The following ROR1 variants were observed in gnomAD, a reference collection of about 807,000 sequenced individuals.
The protein encoded by ROR1 is inactive tyrosine-protein kinase transmembrane receptor ROR1.
In ROR1, 19 loss-of-function variants were observed where a neutral mutation model predicts 78.8. The observed-to-expected ratio is 0.24, with a 90% confidence interval of 0.17 to 0.35. ROR1 has a LOEUF of 0.35. Among genes scored for constraint, ROR1 ranks in the 10% least tolerant of loss-of-function variants. The pLI is 1.00. For missense variants in ROR1, 917 were observed against 1,177.8 expected, an observed-to-expected ratio of 0.78 and a Z score of 3.24; for synonymous variants, 386 against 433.6, an observed-to-expected ratio of 0.89 and a Z score of 1.36.
chr1:64,011,049 A>G (rs906756252), intron 2 of ROR1, among the ~76,000 whole-genome samples: 6 of 152,232 alleles, frequency 3.9e-5, no homozygotes, highest in Admixed American at 3.9e-4. Context: ...AGATAAGTTT[A>G]TTTTATAAAA....
chr1:63,975,959 T>G (rs1181250762), intron 1 of ROR1, among the ~76,000 whole-genome samples: 1 of 152,208 alleles, frequency 6.6e-6, no homozygotes, highest in Non-Finnish European at 1.5e-5. Context: ...TTGGAAAGTA[T>G]TTTTGATCAT....
intron 2 of ROR1, among the ~76,000 whole-genome samples, chr1:64,033,349 C>T (rs1303102529): frequency 6.6e-6 from 1 of 152,124 alleles, no homozygotes; most frequent in East Asian, 1.9e-4. Context: ...AAAAGCATAA[C>T]TGATCTTTTA....
intron 4 of ROR1, among the ~76,000 whole-genome samples, chr1:64,059,766 A>G (rs1181757468): frequency 6.6e-6 from 1 of 151,538 alleles, no homozygotes; most frequent in Admixed American, 6.6e-5. Context: ...CTAGTTAATG[A>G]TTGGACAGAA....
chr1:64,071,056 T>C (rs1646999491), intron 4 of ROR1, among the ~76,000 whole-genome samples: 2 of 152,040 alleles, frequency 1.3e-5, no homozygotes, highest in African/African-American at 4.8e-5. Flanking sequence ...ACATGGAAAA[T>C]GGTTTTGTCA....
At chr1:64,130,642 C>T (rs1260513185) in intron 4 of ROR1, among the ~76,000 whole-genome samples, 1 of 152,172 alleles carries the variant, frequency 6.6e-6, no homozygotes, top group Admixed American at 6.5e-5. Context: ...TGCTTCCAGG[C>T]TTGAAGTCTC....
At chr1:64,015,486 C>T (rs974206800) in intron 2 of ROR1, among the ~76,000 whole-genome samples, 5 of 152,162 alleles carry the variant, frequency 3.3e-5, no homozygotes, top group African/African-American at 1.2e-4. Flanking sequence ...GTGGTTTGCT[C>T]CCTCTTGTCC....
chr1:64,099,281 C>T (rs1647424393), intron 4 of ROR1, among the ~76,000 whole-genome samples: 1 of 152,114 alleles, frequency 6.6e-6, no homozygotes, highest in Admixed American at 6.6e-5. Context: ...TGCCAAAGCC[C>T]CACAGATTGA....
chr1:63,900,626 C>T (rs529341185), intron 1 of ROR1, among the ~76,000 whole-genome samples: 3 of 151,978 alleles, frequency 2.0e-5, no homozygotes, highest in African/African-American at 7.2e-5. Flanking sequence ...TAATTATTAC[C>T]ATTTTTCTTA....
chr1:64,007,257 G>A (rs1424430354), intron 1 of ROR1, among the ~76,000 whole-genome samples: 14 of 152,116 alleles, frequency 9.2e-5, no homozygotes, highest in Non-Finnish European at 2.1e-4. Flanking sequence ...AGCCATAATT[G>A]ATTAAAGATG....
intron 1 of ROR1, among the ~76,000 whole-genome samples, chr1:63,951,718 C>T (rs1235008174): frequency 6.6e-6 from 1 of 152,072 alleles, no homozygotes; most frequent in Non-Finnish European, 1.5e-5. Flanking sequence ...ACCCCCCCCT[C>T]ACCACCAGCC....
intron 1 of ROR1, among the ~76,000 whole-genome samples, chr1:63,988,522 G>T (rs1350869304): frequency 6.6e-6 from 1 of 152,180 alleles, no homozygotes; most frequent in Non-Finnish European, 1.5e-5. Flanking sequence ...TAGGTGTGCA[G>T]TTCAGCTGCG....
At chr1:63,935,023 ATT>A (rs11376470) in intron 1 of ROR1, among the ~76,000 whole-genome samples, 21 of 140,214 alleles carry the variant, frequency 1.5e-4, no homozygotes, top group Admixed American at 2.1e-4. Flanking sequence ...ATTTGGGAGA[ATT>A]TTTTTTTTTT....
At chr1:64,122,131 C>T (rs975792940) in intron 4 of ROR1, among the ~76,000 whole-genome samples, 2 of 152,044 alleles carry the variant, frequency 1.3e-5, no homozygotes, top group African/African-American at 4.8e-5. Context: ...TGTCTGAACC[C>T]GAGATGTTGA....
At chr1:64,046,327 G>A (rs1475005242) in intron 2 of ROR1, among the ~76,000 whole-genome samples, 1 of 152,164 alleles carries the variant, frequency 6.6e-6, no homozygotes, top group East Asian at 1.9e-4. Flanking sequence ...GCTACAGATG[G>A]CCAACAAATT....
intron 2 of ROR1, among the ~76,000 whole-genome samples, chr1:64,048,740 A>G (rs1258492051): frequency 6.6e-6 from 1 of 152,254 alleles, no homozygotes; most frequent in Non-Finnish European, 1.5e-5. Flanking sequence ...TAAAATTCAT[A>G]GTGCAATAAA....
chr1:63,929,702 T>G (rs566095074), intron 1 of ROR1, among the ~76,000 whole-genome samples: 1 of 152,372 alleles, frequency 6.6e-6, no homozygotes, highest in African/African-American at 2.4e-5. Context: ...GCAGTTCTTA[T>G]TCCTTCTCTG....
intron 4 of ROR1, among the ~76,000 whole-genome samples, chr1:64,127,283 A>G (rs1185585060): frequency 2.0e-5 from 3 of 152,178 alleles, no homozygotes; most frequent in Non-Finnish European, 4.4e-5. Flanking sequence ...TTGGAGCAAG[A>G]CCTAAGCTTT....
chr1:63,813,327 C>G (rs1644871499), intron 1 of ROR1, among the ~76,000 whole-genome samples: 1 of 152,104 alleles, frequency 6.6e-6, no homozygotes, highest in African/African-American at 2.4e-5. Context: ...CTGCCTTCTC[C>G]CAGAAACCTT....
At chr1:64,104,618 C>T (rs1230726277) in intron 4 of ROR1, among the ~76,000 whole-genome samples, 1 of 152,084 alleles carries the variant, frequency 6.6e-6, no homozygotes, top group East Asian at 1.9e-4. Flanking sequence ...CCCTCACCCC[C>T]ACCCTTCAAT....
Sources: gnomAD v4.1 joint callset for allele counts (sites outside exome capture counted in the v4.1 genomes callset) on GRCh38, gnomAD v4.1.1 for gene constraint, MANE v1.5 for transcripts, NCBI Gene and HGNC (gene_info 2026-07-23, HGNC 2026-07-21) for gene names.